The following BTRC variants were observed in gnomAD, a reference collection of about 807,000 sequenced individuals.
BTRC encodes the protein beta-transducin repeat containing E3 ubiquitin protein ligase.
BTRC carries 42 observed loss-of-function variants against 85.5 expected under a neutral mutation model. The observed-to-expected ratio is 0.49, with a 90% confidence interval of 0.38 to 0.64. The LOEUF is 0.64. Among genes scored for constraint, BTRC ranks in the 30% least tolerant of loss-of-function variants. The pLI is 0.00. For synonymous variants in BTRC, 255 were observed against 263.3 expected (o/e 0.97, Z 0.30); for missense variants, 594 against 743.5 (o/e 0.80, Z 2.34).
At chr10:101,419,528 G>A (rs1332441451) in intron 1 of BTRC, among the ~76,000 whole-genome samples, 2 of 152,162 alleles carry the variant, frequency 1.3e-5, no homozygotes, top group African/African-American at 2.4e-5. Flanking sequence ...TCAATTCTTA[G>A]TTGTTTGTTG....
intron 1 of BTRC, among the ~76,000 whole-genome samples, chr10:101,372,558 T>C (rs1383894113): frequency 1.4e-5 from 2 of 145,144 alleles, no homozygotes; most frequent in Non-Finnish European, 3.0e-5. Flanking sequence ...CTGGCCTGCA[T>C]TTTCATGTGT....
intron 2 of BTRC, among the ~76,000 whole-genome samples, chr10:101,442,083 A>C (rs189170540): frequency 1.3e-5 from 2 of 152,286 alleles, no homozygotes; most frequent in Non-Finnish European, 2.9e-5. Flanking sequence ...ATAGAAAAGC[A>C]TATGTAAGCA....
In BTRC at chr10:101,482,275, C is replaced by T. The variant is rs562247810; in HGVS notation, c.324+2818C>T. Among the ~76,000 whole-genome samples the T allele has an allele frequency of 5.3e-5, 8 of 152,278 alleles. No individual in the cohort carries two copies. The South Asian group carries it at 1.7e-3, about 32-fold the overall frequency. ...ACCTCAGGTGATCTCTCTGCCTCAG[C>T]CTCCCAAAGTGCTGGGATTACAGGT... On this transcript the variant is annotated intron_variant, in intron 4 of 14. Transcript: ENST00000370187.
chr10:101,514,850 T>C (rs758373190), intron 4 of BTRC, among the ~76,000 whole-genome samples: 16 of 152,230 alleles, frequency 1.1e-4, no homozygotes, highest in Non-Finnish European at 1.8e-4. Context: ...CTTGTGTCCT[T>C]ACACCAAAGC....
At chr10:101,532,750 A>ATGTGTGTGTGTGTGTGTG (rs71643587) in intron 8 of BTRC, among the ~76,000 whole-genome samples, 6 of 102,234 alleles carry the variant, frequency 5.9e-5, no homozygotes, top group South Asian at 4.0e-4. Flanking sequence ...CTGAAGCTAT[A>ATGTGTGTGTGTGTGTGTG]TGTGTGTGTG....
At chr10:101,543,280 T>A in intron 13 of BTRC, among the ~76,000 whole-genome samples, 1 of 152,230 alleles carries the variant, frequency 6.6e-6, no homozygotes, top group East Asian at 1.9e-4. Context: ...CCTTCTTTGA[T>A]GTTTATAGTA....
chr10:101,518,164 G>A (rs954838994), intron 4 of BTRC, among the ~76,000 whole-genome samples: 7 of 151,848 alleles, frequency 4.6e-5, no homozygotes, highest in Non-Finnish European at 1.0e-4. Context: ...CGCCCGCCTC[G>A]GCCTCCCAAA....
At chr10:101,366,182 T>C (rs1231531101) in intron 1 of BTRC, among the ~76,000 whole-genome samples, 1 of 152,136 alleles carries the variant, frequency 6.6e-6, no homozygotes, top group Non-Finnish European at 1.5e-5. Context: ...TGTTAAGTAG[T>C]ACTTGGCAAT....
Position 101,382,767 on chromosome 10 carries a change from C to T in BTRC, c.48+28539C>T, listed in dbSNP as rs375230651. 2.4e-4 allele frequency among the ~76,000 whole-genome samples: 36 copies of T among 152,180 alleles called. No homozygotes were observed. In the South Asian group the frequency reaches 7.3e-3, roughly 31 times the overall value. ...CTTCTGTGGTAGTTGTAAAATCAAC[C>T]TATTTATTTTTAGGTAGTTCTAAAT... On this transcript the variant is annotated intron_variant, in intron 1 of 14. Coordinates refer to ENST00000370187, the MANE Select transcript of BTRC (RefSeq NM_033637.4).
At chr10:101,530,634 T>C (rs2062265941) in intron 6 of BTRC, among the ~76,000 whole-genome samples, 1 of 152,182 alleles carries the variant, frequency 6.6e-6, no homozygotes, top group Non-Finnish European at 1.5e-5. Context: ...ATTGTACATA[T>C]TCCATTTGTT....
At chr10:101,405,023 A>G (rs1265099601) in intron 1 of BTRC, among the ~76,000 whole-genome samples, 1 of 148,174 alleles carries the variant, frequency 6.7e-6, no homozygotes, top group Non-Finnish European at 1.5e-5. Flanking sequence ...AAAAAAGTCT[A>G]TGCCTTACTG....
rs11191001 is a variant in BTRC at position 101,418,236 on chromosome 10, C to T, written c.49-12109C>T. Among the ~76,000 whole-genome samples the T allele has an allele frequency of 1.5e-3, 225 of 151,924 alleles. 6 individuals carry two copies. In the South Asian group the frequency reaches 0.041, roughly 27 times the overall value. On this transcript the variant is annotated intron_variant, in intron 1 of 14. Coordinates refer to ENST00000370187, the MANE Select transcript of BTRC (RefSeq NM_033637.4). ...ACAAAAAATTAGCTGGGTGTGGTGG[C>T]GGGTGCCTGTAGTCCCAGCTACTCA... is the stretch of plus-strand genomic sequence containing the variant.
At chr10:101,442,296 A>ATGTGTGTGTGTGTGTGTGTG (rs139018865) in intron 2 of BTRC, among the ~76,000 whole-genome samples, 33 of 141,984 alleles carry the variant, frequency 2.3e-4, no homozygotes, top group African/African-American at 7.5e-4. Flanking sequence ...CTCTGTGTGT[A>ATGTGTGTGTGTGTGTGTGTG]TGTGTGTGTG....
At chr10:101,412,942 A>G (rs1161778485) in intron 1 of BTRC, among the ~76,000 whole-genome samples, 2 of 152,248 alleles carry the variant, frequency 1.3e-5, no homozygotes, top group Admixed American at 1.3e-4. Context: ...GAAACAAAGT[A>G]ACAAAAAATG....
rs761383071 is a variant in BTRC, at chr10:101,538,379, C to T, written c.1656+8C>T. 1 of 1,610,020 alleles carries T rather than the reference C, an allele frequency of 6.2e-7. No homozygotes were observed. Among genetic ancestry groups the T allele is most frequent in the South Asian group, 1.1e-5 (1 of 90,994 alleles). ...TGTCTACGGACCCTTGTGGTAAGAG[C>T]CTTGCTGTTTAGAGAGCATTGGAGA... On this transcript the variant is annotated splice_region_variant and intron_variant, in intron 13 of 14. Coordinates refer to ENST00000370187, the MANE Select transcript of BTRC (RefSeq NM_033637.4).
At chr10:101,431,530 T>C (rs1944405236) in intron 2 of BTRC, among the ~76,000 whole-genome samples, 1 of 152,230 alleles carries the variant, frequency 6.6e-6, no homozygotes, top group Admixed American at 6.5e-5. Flanking sequence ...TTTTCTTGAC[T>C]GAGTCTTATC....
intron 2 of BTRC, among the ~76,000 whole-genome samples, chr10:101,441,876 T>C (rs994426493): frequency 4.4e-5 from 2 of 45,444 alleles, no homozygotes; most frequent in African/African-American, 6.9e-5. Flanking sequence ...AGTGAGACTG[T>C]CTCAAAAAAA....
intron 4 of BTRC, among the ~76,000 whole-genome samples, chr10:101,501,548 A>C (rs187341519): frequency 1.3e-5 from 2 of 152,362 alleles, no homozygotes. Context: ...GTTTGTTTCC[A>C]GAGCATCAAA....
intron 5 of BTRC, among the ~76,000 whole-genome samples, chr10:101,525,798 A>G (rs2062182483): frequency 1.3e-5 from 2 of 152,288 alleles, no homozygotes; most frequent in South Asian, 4.1e-4. Context: ...ATCTAAAGGA[A>G]GATGGAAAAT....
Sources: allele counts gnomAD v4.1 joint callset (sites outside exome capture counted in the v4.1 genomes callset), GRCh38; gene constraint gnomAD v4.1.1; transcripts MANE v1.5; gene names NCBI Gene and HGNC (gene_info 2026-07-23, HGNC 2026-07-21).